Variants in NRG3 observed in about 807,000 individuals in gnomAD.
NRG3 encodes neuregulin 3.
In NRG3, 31 loss-of-function variants were observed where a neutral mutation model predicts 66.9. The observed-to-expected ratio is 0.46, with a 90% confidence interval of 0.35 to 0.63. NRG3 has a LOEUF of 0.63. Among genes scored for constraint, NRG3 ranks in the 20% least tolerant of loss-of-function variants. The pLI is 0.00. For synonymous variants in NRG3, 393 were observed against 359.4 expected (o/e 1.09, Z -1.06); for missense variants, 910 against 878.9 (o/e 1.04, Z -0.45).
At chr10:82,167,062 T>G (rs2072134082) in intron 1 of NRG3, among the ~76,000 whole-genome samples, 2 of 152,076 alleles carry the variant, frequency 1.3e-5, no homozygotes, top group South Asian at 4.1e-4. Context: ...AAAATTTGAT[T>G]ATGATGCACC....
intron 2 of NRG3, among the ~76,000 whole-genome samples, chr10:82,676,001 G>A (rs1324244782): frequency 2.0e-5 from 3 of 151,680 alleles, no homozygotes; most frequent in African/African-American, 7.3e-5. Flanking sequence ...CACACAGTTA[G>A]AAAAAAAATC....
intron 3 of NRG3, among the ~76,000 whole-genome samples, chr10:82,767,717 A>G (rs1403915412): frequency 2.0e-5 from 3 of 151,660 alleles, no homozygotes; most frequent in African/African-American, 7.3e-5. Flanking sequence ...TATTCTTTTT[A>G]TCTTAACTAT....
chr10:82,440,326 TA>T lies in NRG3; in HGVS notation c.953+81468del, dbSNP rs1208476198. On this transcript the variant is annotated intron_variant, in intron 2 of 8. Transcript: ENST00000372141. ...AATGTACATTTTTACTTCTCTCATT[TA>T]AAAAAAAAATCCTTTCTACTAGTTT... 3.6e-3 allele frequency among the ~76,000 whole-genome samples: 530 copies of T among 148,808 alleles called. 4 individuals are homozygous for T. Among genetic ancestry groups the T allele is most frequent in the African/African-American group, 0.011 (445 of 40,624 alleles).
chr10:82,017,903 G>A (rs2061862408), intron 1 of NRG3, among the ~76,000 whole-genome samples: 1 of 152,170 alleles, frequency 6.6e-6, no homozygotes, highest in Admixed American at 6.5e-5. Context: ...TGTTCACTCT[G>A]ATGGCAGTTT....
chr10:82,421,205 T>C (rs1016786451), intron 2 of NRG3, among the ~76,000 whole-genome samples: 1 of 152,146 alleles, frequency 6.6e-6, no homozygotes, highest in African/African-American at 2.4e-5. Flanking sequence ...CTGTGACTCA[T>C]ATCTGTTGTC....
At chr10:82,505,716 G>A (rs1320246523) in intron 2 of NRG3, among the ~76,000 whole-genome samples, 1 of 152,148 alleles carries the variant, frequency 6.6e-6, no homozygotes, top group East Asian at 1.9e-4. Flanking sequence ...CATGATACCT[G>A]TCTAACTGTG....
chr10:81,933,397 T>C (rs1367948176), intron 1 of NRG3, among the ~76,000 whole-genome samples: 1 of 152,168 alleles, frequency 6.6e-6, no homozygotes, highest in African/African-American at 2.4e-5. Flanking sequence ...ATGAATAAGA[T>C]GGTAAGTAGT....
intron 2 of NRG3, among the ~76,000 whole-genome samples, chr10:82,463,752 C>T (rs1292963967): frequency 1.3e-5 from 2 of 152,176 alleles, no homozygotes; most frequent in Non-Finnish European, 1.5e-5. Flanking sequence ...AATCCAGAAC[C>T]TATGCATTTG....
intron 1 of NRG3, among the ~76,000 whole-genome samples, chr10:81,951,923 C>A (rs532006848): frequency 1.3e-5 from 2 of 152,202 alleles, no homozygotes; most frequent in Non-Finnish European, 2.9e-5. Flanking sequence ...ACATATACAC[C>A]ATGGAATACT....
At chr10:81,911,865 A>G (rs1845201739) in intron 1 of NRG3, among the ~76,000 whole-genome samples, 2 of 152,018 alleles carry the variant, frequency 1.3e-5, no homozygotes, top group African/African-American at 4.8e-5. Flanking sequence ...AAACAAGAAC[A>G]GCATCTGTTT....
At chr10:82,515,759 C>A (rs1465401824) in intron 2 of NRG3, among the ~76,000 whole-genome samples, 1 of 152,190 alleles carries the variant, frequency 6.6e-6, no homozygotes, top group Non-Finnish European at 1.5e-5. Flanking sequence ...GTCACTACCA[C>A]CATACCATTT....
At chr10:81,963,929 CTG>C (rs2059627417) in intron 1 of NRG3, among the ~76,000 whole-genome samples, 1 of 152,184 alleles carries the variant, frequency 6.6e-6, no homozygotes, top group Non-Finnish European at 1.5e-5. Context: ...ACTGTTTCAT[CTG>C]TGTTTTCGTA....
At chr10:82,303,358 C>CACACACAT (rs60316836) in intron 1 of NRG3, among the ~76,000 whole-genome samples, 1 of 151,642 alleles carries the variant, frequency 6.6e-6, no homozygotes, top group Non-Finnish European at 1.5e-5. Flanking sequence ...CACACACACA[C>CACACACAT]GGAAGGACAC....
At chr10:82,838,817 A>G (rs1179527418) in intron 3 of NRG3, among the ~76,000 whole-genome samples, 1 of 152,074 alleles carries the variant, frequency 6.6e-6, no homozygotes, top group African/African-American at 2.4e-5. Flanking sequence ...CATGCTGCTG[A>G]TAAAGACATA....
At chr10:82,458,059 T>A (rs1402189459) in intron 2 of NRG3, among the ~76,000 whole-genome samples, 2 of 152,188 alleles carry the variant, frequency 1.3e-5, no homozygotes, top group African/African-American at 4.8e-5. Context: ...CAGGGCAGTC[T>A]GCCACTGGGC....
At chr10:82,617,261 TACACAC>T (rs1300252582) in intron 2 of NRG3, among the ~76,000 whole-genome samples, 11 of 125,830 alleles carry the variant, frequency 8.7e-5, no homozygotes, top group Non-Finnish European at 1.6e-5. Context: ...CACATACACA[TACACAC>T]ACACAAACAC....
intron 1 of NRG3, among the ~76,000 whole-genome samples, chr10:81,910,502 T>C (rs1161199104): frequency 6.6e-6 from 1 of 152,136 alleles, no homozygotes. Context: ...CCACAAAATA[T>C]TTTGCTTTGC....
At chr10:82,716,500 T>G (rs1326742093) in intron 2 of NRG3, among the ~76,000 whole-genome samples, 1 of 152,142 alleles carries the variant, frequency 6.6e-6, no homozygotes, top group Non-Finnish European at 1.5e-5. Flanking sequence ...TGCACACATT[T>G]CTACATGGCA....
chr10:82,430,823 G>A (rs907019932), intron 2 of NRG3, among the ~76,000 whole-genome samples: 1 of 152,076 alleles, frequency 6.6e-6, no homozygotes, highest in Non-Finnish European at 1.5e-5. Context: ...ATATGTTTCC[G>A]ACCATCTGCC....
Sources: allele counts gnomAD v4.1 joint callset (sites outside exome capture counted in the v4.1 genomes callset), GRCh38; gene constraint gnomAD v4.1.1; transcripts MANE v1.5; gene names NCBI Gene and HGNC (gene_info 2026-07-23, HGNC 2026-07-21).